Variants in C3orf20 observed in about 807,000 individuals in gnomAD.
C3orf20 encodes the protein family with sequence similarity 149 member C.
In C3orf20, 76 loss-of-function variants were observed where a neutral mutation model predicts 88.3. The ratio of observed to expected loss-of-function variants is 0.86; its 90% CI spans 0.72 to 1.04. C3orf20 has a LOEUF of 1.04. Among genes scored for constraint, C3orf20 ranks in the 50% least tolerant of loss-of-function variants. The pLI, the probability that C3orf20 is intolerant of heterozygous loss-of-function variation, is 0.00. For missense variants in C3orf20, 1,056 were observed against 1,123.3 expected (o/e 0.94, Z 0.86); for synonymous variants, 436 against 437.4 (o/e 1.00, Z 0.04).
chr3:14,725,965 G>A (rs1302517994), intron 10 of C3orf20, among the ~76,000 whole-genome samples: 2 of 152,170 alleles, frequency 1.3e-5, no homozygotes, highest in Non-Finnish European at 2.9e-5. Flanking sequence ...GTTGGCTGAG[G>A]AAATCAGGGA....
At chr3:14,685,510 G>A (rs1055767764) in intron 4 of C3orf20, among the ~76,000 whole-genome samples, 4 of 148,340 alleles carry the variant, frequency 2.7e-5, no homozygotes, top group African/African-American at 1.0e-4. Flanking sequence ...GTGTGTGTGT[G>A]TATGTGTGTT....
chr3:14,690,534 C>G (rs1332044769), intron 5 of C3orf20, among the ~76,000 whole-genome samples: 1 of 152,136 alleles, frequency 6.6e-6, no homozygotes, highest in African/African-American at 2.4e-5. Flanking sequence ...CCTGGTAGAC[C>G]TCAGTTGCAC....
intron 9 of C3orf20, among the ~76,000 whole-genome samples, chr3:14,720,866 C>T (rs555384730): frequency 2.0e-5 from 3 of 152,312 alleles, no homozygotes; most frequent in East Asian, 1.9e-4. Context: ...TAATAATAGC[C>T]GTTCAATGAT....
At position 14,734,854 on chromosome 3, in the gene C3orf20, C is replaced by G. The variant is rs531025863; in HGVS notation, c.1940+6166C>G. On this transcript the variant is annotated intron_variant, in intron 12 of 16. Transcript: ENST00000253697. The stretch of plus-strand genomic sequence containing the variant: ...CTCCTTTTATTTCTGTAAATTTTTG[C>G]TGTATGTATTTTGAAACTATGTTAT... 4.4e-4 allele frequency among the ~76,000 whole-genome samples: 67 copies of G among 151,910 alleles called. 1 individual carries two copies. The highest frequency in any genetic ancestry group is 1.6e-3 in the African/African-American group (67 of 41,478).
intron 12 of C3orf20, among the ~76,000 whole-genome samples, chr3:14,755,811 C>T (rs1488105215): frequency 6.6e-6 from 1 of 151,990 alleles, no homozygotes; most frequent in African/African-American, 2.4e-5. Flanking sequence ...GGGCAGATCA[C>T]GAGGTCAGGA....
Position 14,772,975 on chromosome 3 carries a change from C to T in C3orf20, c.*100C>T. 2 of 871,762 alleles carry T rather than the reference C, an allele frequency of 2.3e-6. No homozygotes were observed. Among genetic ancestry groups the T allele is most frequent in the Non-Finnish European group, 3.8e-6 (2 of 524,884 alleles). The allele number at this position is 871,762 out of a possible 1,614,324, so 54.0% of individuals were successfully genotyped here. A position where few individuals can be genotyped will look rare whatever the true frequency, so the allele number is the denominator to read the frequency against. Reference sequence around the variant, plus strand: ...CTCCCCGGTCTCCCACCCTGTCCTCCAAGCTTCTATAATAAACCAGCGGGC... The same window carrying T: ...CTCCCCGGTCTCCCACCCTGTCCTCTAAGCTTCTATAATAAACCAGCGGGC... On this transcript the variant is annotated 3_prime_UTR_variant, in exon 17 of 17. Transcript: ENST00000253697. This position sits in a 1 kb window ranked among gnomAD's most constrained non-coding sequence, Gnocchi z 4.2.
intron 4 of C3orf20, among the ~76,000 whole-genome samples, chr3:14,688,389 G>A (rs971112854): frequency 4.0e-5 from 6 of 151,558 alleles, no homozygotes; most frequent in Admixed American, 2.0e-4. Flanking sequence ...AAAATTAGCC[G>A]GCCGTGATGG....
At position 14,714,113 on chromosome 3, in the gene C3orf20, T is replaced by C. The variant is rs2033854065; in HGVS notation, c.1267T>C (p.Phe423Leu). The C allele has an allele frequency of 6.2e-7, 1 of 1,614,048 alleles. No homozygotes were observed. Among genetic ancestry groups the C allele is most frequent in the Non-Finnish European group, 8.5e-7 (1 of 1,180,006 alleles). ...DIPGFSLLAL[F>L]NTEGQGCVHY... ...ACCTGGATTCTCCTTGCTGGCCCTATTCAATACTGAAGGCCAGGGCTGTGT... is the reference window on the plus strand; with the variant it reads ...ACCTGGATTCTCCTTGCTGGCCCTACTCAATACTGAAGGCCAGGGCTGTGT... The change falls in exon 8 of 17, where the codon TTC becomes CTC. Residue 423 changes from phenylalanine to leucine, a missense_variant. Transcript: ENST00000253697.
chr3:14,761,188 G>C (rs2035550276), intron 14 of C3orf20, among the ~76,000 whole-genome samples: 2 of 151,544 alleles, frequency 1.3e-5, no homozygotes, highest in Admixed American at 6.5e-5. Context: ...GCCCTCCTCA[G>C]GTTGCCCAGG....
chr3:14,771,386 C>A (rs1055495442), intron 15 of C3orf20, among the ~76,000 whole-genome samples: 5 of 152,238 alleles, frequency 3.3e-5, no homozygotes. Flanking sequence ...AACAGAAATT[C>A]ATCCTCTCAC....
chr3:14,712,238 G>A (rs2033777270), intron 7 of C3orf20, among the ~76,000 whole-genome samples: 1 of 151,896 alleles, frequency 6.6e-6, no homozygotes, highest in South Asian at 2.1e-4. Context: ...TGTGGTGACT[G>A]AGGCAGAGAT....
chr3:14,681,691 AGTTT>A (rs2032101298), intron 1 of C3orf20, among the ~76,000 whole-genome samples: 1 of 152,224 alleles, frequency 6.6e-6, no homozygotes, highest in Admixed American at 6.5e-5. Context: ...AGATGTGACT[AGTTT>A]TAATTTGATA....
intron 12 of C3orf20, among the ~76,000 whole-genome samples, chr3:14,741,916 C>A (rs766237942): frequency 6.6e-6 from 1 of 152,134 alleles, no homozygotes; most frequent in Non-Finnish European, 1.5e-5. Flanking sequence ...AGGTTATTTT[C>A]ATAGAAAGGG....
intron 10 of C3orf20, among the ~76,000 whole-genome samples, chr3:14,726,082 T>C (rs529862098): frequency 2.6e-5 from 4 of 152,178 alleles, no homozygotes; most frequent in African/African-American, 9.6e-5. Flanking sequence ...TTAGATTGGG[T>C]CTCCTGGGAA....
chr3:14,738,663 C>T (rs1455953772), intron 12 of C3orf20, among the ~76,000 whole-genome samples: 66 of 71,786 alleles, frequency 9.2e-4, no homozygotes, highest in Non-Finnish European at 1.3e-3. Context: ...GACAGAGTTT[C>T]TCTCTTGTTG....
chr3:14,718,474 G>A (rs2124968408), intron 9 of C3orf20, among the ~76,000 whole-genome samples: 1 of 152,144 alleles, frequency 6.6e-6, no homozygotes, highest in Middle Eastern at 3.4e-3. Context: ...CTCATCTAGT[G>A]TAGTTAAATT....
At chr3:14,753,585 C>A (rs1275645510) in intron 12 of C3orf20, among the ~76,000 whole-genome samples, 3 of 152,016 alleles carry the variant, frequency 2.0e-5, no homozygotes, top group African/African-American at 7.3e-5. Context: ...AATTTTTTTC[C>A]TGTGAGTGGT....
At chr3:14,761,732 T>TGG in intron 15 of C3orf20, 117 bp downstream of exon 15, 18 of 291,340 alleles carry the variant, frequency 6.2e-5, no homozygotes, top group Non-Finnish European at 8.6e-5. Flanking sequence ...AGGGATGGAG[T>TGG]GGGGAGGGGG....
chr3:14,681,385 C>T (rs928759178), intron 1 of C3orf20, among the ~76,000 whole-genome samples: 4 of 152,150 alleles, frequency 2.6e-5, no homozygotes, highest in African/African-American at 9.7e-5. Flanking sequence ...GAGTGGTTGT[C>T]AGGATAAAAG....
Sources: gnomAD v4.1 joint callset for allele counts (sites outside exome capture counted in the v4.1 genomes callset) on GRCh38, gnomAD v4.1.1 for gene constraint, Gnocchi (gnomAD v3.1) non-coding constraint, MANE v1.5 for transcripts, NCBI Gene and HGNC (gene_info 2026-07-23, HGNC 2026-07-21) for gene names.